The following TRIM49C variants were observed in gnomAD, a reference collection of about 807,000 sequenced individuals.
TRIM49C encodes the protein tripartite motif containing 49C, also known as tripartite motif-containing protein 49C.
In TRIM49C, 6 loss-of-function variants were observed where a neutral mutation model predicts 21.4. The ratio of observed to expected loss-of-function variants is 0.28; its 90% CI spans 0.15 to 0.55. TRIM49C has a LOEUF of 0.55. Ranked by LOEUF, TRIM49C falls within the 20% of genes least tolerant of loss-of-function variation. The pLI is 0.94. For missense variants in TRIM49C, 161 were observed against 442.4 expected (o/e 0.36, Z 5.71); for synonymous variants, 57 against 148.1 (o/e 0.38, Z 4.47).
At chr11:90,053,956 T>C in the TRIM49C span, among the ~76,000 whole-genome samples, 1 of 143,514 alleles carries the variant, frequency 7.0e-6, no homozygotes, top group Non-Finnish European at 1.5e-5. Context: ...ATTAAATAAT[T>C]TTCAACTTTA....
At chr11:90,064,417 A>C in the TRIM49C span, among the ~76,000 whole-genome samples, 1 of 150,566 alleles carries the variant, frequency 6.6e-6, no homozygotes, top group Middle Eastern at 3.4e-3. Flanking sequence ...GATATGTATT[A>C]GGTTTTCCAC....
chr11:90,052,281 C>A, the TRIM49C span: 1 of 214,800 alleles, frequency 4.7e-6, no homozygotes, highest in Non-Finnish European at 8.9e-6. Context: ...ACCGACCCCA[C>A]GCCGCGCCGC....
chr11:90,045,849 G>T (rs1369093416), downstream of TRIM49C, among the ~76,000 whole-genome samples: 1 of 120,690 alleles, frequency 8.3e-6, no homozygotes, highest in Non-Finnish European at 1.7e-5. Context: ...TCCCTGTCTT[G>T]CACCACTTTT....
chr11:90,038,589 G>A (rs571999035), intron 5 of TRIM49C, 104 bp from the exon 6 acceptor site: 2 of 1,140,546 alleles, frequency 1.8e-6, no homozygotes, highest in South Asian at 3.2e-5. Context: ...GAAGATGGTA[G>A]GGAAATAATA....
At chr11:90,034,907 A>T (rs1223966038) in intron 2 of TRIM49C, among the ~76,000 whole-genome samples, 3 of 137,534 alleles carry the variant, frequency 2.2e-5, no homozygotes, top group African/African-American at 8.1e-5. Context: ...GACCACTTAG[A>T]ATCAAAACCC....
At chr11:90,068,517 G>A in the TRIM49C span, among the ~76,000 whole-genome samples, 55 of 145,278 alleles carry the variant, frequency 3.8e-4, 6 homozygotes, top group African/African-American at 1.2e-3. Flanking sequence ...ATTCTTTAAA[G>A]GTGATATCCT....
At chr11:90,052,512 G>T in the TRIM49C span, 1 of 174,194 alleles carries the variant, frequency 5.7e-6, no homozygotes, top group Non-Finnish European at 1.1e-5. Flanking sequence ...CCCTCTGCAG[G>T]CAGGCAGTTT....
rs1950728902 is a variant in TRIM49C, at chr11:90,036,584, T to A, written c.507+601T>A. 2.2e-5 allele frequency among the ~76,000 whole-genome samples: 3 copies of A among 133,842 alleles called. 1 individual carries two copies. The highest frequency in any genetic ancestry group is 7.9e-5 in the African/African-American group (3 of 37,792). The allele number at this position is 133,842 out of a possible 152,430, so 87.8% of individuals were successfully genotyped here. On this transcript the variant is annotated intron_variant, in intron 4 of 7. Transcript: ENST00000448984. ...AAATATGGGAACTAGTATCTAAACA[T>A]AAGGAGAACTCTGAGGACTTCAGAA...
At chr11:90,066,116 G>T in the TRIM49C span, among the ~76,000 whole-genome samples, 1 of 138,354 alleles carries the variant, frequency 7.2e-6, no homozygotes, top group East Asian at 2.2e-4. Flanking sequence ...TGCATCTCCA[G>T]TTCAAGTGAT....
the TRIM49C span, chr11:90,073,238 G>C: frequency 1.0e-6 from 1 of 980,518 alleles, no homozygotes; most frequent in Non-Finnish European, 1.5e-6. Flanking sequence ...TCACTATGTA[G>C]AGAAACCTCT....
intron 2 of TRIM49C, among the ~76,000 whole-genome samples, chr11:90,034,854 A>T (rs1950714048): frequency 7.4e-6 from 1 of 135,188 alleles, no homozygotes; most frequent in Non-Finnish European, 1.6e-5. Flanking sequence ...ACAGTCATTC[A>T]TCAGTTATTG....
chr11:90,035,973 G>C lies in TRIM49C; in HGVS notation c.497G>C (p.Arg166Thr). 3 of 827,590 alleles carry C rather than the reference G, an allele frequency of 3.6e-6. 1 individual carries two copies. The highest frequency in any genetic ancestry group is 4.9e-6 in the Non-Finnish European group (3 of 618,496). The allele number at this position is 827,590 out of a possible 1,614,324, so 51.3% of individuals were successfully genotyped here. ...CTGAATGTGGAAACCACCAGAACCA[G>C]ATGCTGGAAGGTTAGTCCTGTACTA... ...RNLNVETTRT[R>T]CWKDYVNLRL... Residue 166 changes from arginine (R) to threonine (T), a missense_variant, in exon 4 of 8, where the codon AGA becomes ACA. Arg to Thr is a moderately conservative substitution (Grantham distance 71, BLOSUM62 -1). Around this residue, in one of 3 missense-constraint regions of TRIM49C, gnomAD observed 80 missense variants for 314.8 expected, o/e 0.25. Transcript: ENST00000448984.
the TRIM49C span, among the ~76,000 whole-genome samples, chr11:90,067,645 A>T: frequency 1.4e-5 from 2 of 141,154 alleles, no homozygotes; most frequent in Non-Finnish European, 3.1e-5. Flanking sequence ...CTTCCTCAAA[A>T]CTTAGCTATC....
intron 7 of TRIM49C, 43 bp from the exon 8 acceptor site, chr11:90,041,008 A>G: frequency 6.8e-7 from 1 of 1,469,822 alleles, no homozygotes; most frequent in African/African-American, 1.5e-5. Context: ...TTTCTTATTT[A>G]CACATGTCTA....
the TRIM49C span, among the ~76,000 whole-genome samples, chr11:90,066,102 C>A: frequency 7.2e-6 from 1 of 139,130 alleles, no homozygotes; most frequent in African/African-American, 2.6e-5. Context: ...CTCACTGCAA[C>A]CTCTGCATCT....
At chr11:90,054,574 T>A in the TRIM49C span, among the ~76,000 whole-genome samples, 8 of 134,640 alleles carry the variant, frequency 5.9e-5, 1 homozygote, top group Admixed American at 3.4e-4. Flanking sequence ...GTAACCAGGC[T>A]ATTGATAAAT....
chr11:90,048,189 G>C, the TRIM49C span, among the ~76,000 whole-genome samples: 2 of 101,966 alleles, frequency 2.0e-5, 1 homozygote, highest in African/African-American at 8.5e-5. Context: ...TTTCTGTCTG[G>C]TTGCCTGTAA....
the TRIM49C span, among the ~76,000 whole-genome samples, chr11:90,070,984 T>C: frequency 3.6e-5 from 5 of 139,950 alleles, 2 homozygotes; most frequent in African/African-American, 1.3e-4. Flanking sequence ...TTAGTAGGGA[T>C]GGGGATTTGC....
downstream of TRIM49C, among the ~76,000 whole-genome samples, chr11:90,046,929 A>G (rs191434716): frequency 6.3e-3 from 770 of 122,782 alleles, 177 homozygotes; most frequent in African/African-American, 0.023. Flanking sequence ...CCCTCTACAC[A>G]CTGCTTTAAA....
Sources: gnomAD v4.1 joint callset for allele counts (sites outside exome capture counted in the v4.1 genomes callset) on GRCh38, gnomAD v4.1.1 for gene constraint, gnomAD v4.1.1 regional missense constraint, MANE v1.5 for transcripts, NCBI Gene and HGNC (gene_info 2026-07-23, HGNC 2026-07-21) for gene names.